TRPC3: variants seen among roughly 807,000 people sequenced by gnomAD.
TRPC3 encodes the protein short transient receptor potential channel 3.
TRPC3 carries 54 observed loss-of-function variants against 90.9 expected under a neutral mutation model. The observed-to-expected ratio is 0.59, with a 90% CI of 0.48 to 0.75. TRPC3 has a LOEUF of 0.75. Ranked by LOEUF, TRPC3 falls within the 30% of genes least tolerant of loss-of-function variation. The pLI, the probability that TRPC3 is intolerant of heterozygous loss-of-function variation, is 0.00. For synonymous variants in TRPC3, 424 were observed against 450.9 expected (o/e 0.94, Z 0.75); for missense variants, 918 against 1,194.5 (o/e 0.77, Z 3.41).
chr4:121,934,243 A>C (rs940062343), intron 1 of TRPC3, among the ~76,000 whole-genome samples: 3 of 152,208 alleles, frequency 2.0e-5, no homozygotes, highest in African/African-American at 7.2e-5. Flanking sequence ...TGAAGTTCTC[A>C]GATTTTCCTC....
intron 3 of TRPC3, among the ~76,000 whole-genome samples, chr4:121,918,628 C>T (rs4240265): frequency 0.28 from 42,155 of 152,030 alleles, 6,107 homozygotes; most frequent in Non-Finnish European, 0.31. Flanking sequence ...TGCATTTTGC[C>T]TGTTACACTT....
rs749467554 is a variant in TRPC3 at position 121,911,931 on chromosome 4, C to G, written c.1504G>C (p.Val502Leu). The change falls in exon 5 of 12, where the codon GTG (valine) becomes CTG (leucine). Residue 502 changes from valine to leucine, a missense_variant. This residue lies in a region of TRPC3 where 609 missense variants were observed against 725.9 expected (regional missense o/e 0.84). Coordinates refer to ENST00000379645, the MANE Select transcript of TRPC3 (RefSeq NM_001130698.2). ...VTDYPKQIFR[V>L]KTTQFTWTEM... Reference sequence around the variant, plus strand: ...GTCCATGTAAACTGGGTGGTTTTCACCCTGAAGATCTGTTTGGGATAGTCA... The same window carrying G: ...GTCCATGTAAACTGGGTGGTTTTCAGCCTGAAGATCTGTTTGGGATAGTCA... 1.2e-6 allele frequency: 2 copies of G among 1,613,810 alleles called. No homozygotes were observed. Among genetic ancestry groups the G allele is most frequent in the Non-Finnish European group, 1.7e-6 (2 of 1,179,802 alleles).
chr4:121,943,560 T>G (rs1263487551), intron 1 of TRPC3, among the ~76,000 whole-genome samples: 1 of 152,116 alleles, frequency 6.6e-6, no homozygotes, highest in Non-Finnish European at 1.5e-5. Flanking sequence ...TAAAACTAAT[T>G]TTTATTATTT....
At chr4:121,931,051 C>T (rs548982485) in intron 2 of TRPC3, among the ~76,000 whole-genome samples, 1 of 152,252 alleles carries the variant, frequency 6.6e-6, no homozygotes, top group South Asian at 2.1e-4. Flanking sequence ...CAGATCTCCA[C>T]TGGGACAAAA....
At chr4:121,928,891 C>T (rs1729803749) in intron 2 of TRPC3, among the ~76,000 whole-genome samples, 1 of 152,174 alleles carries the variant, frequency 6.6e-6, no homozygotes, top group African/African-American at 2.4e-5. Context: ...GGCTCTTTCC[C>T]TAATAACAAA....
chr4:121,944,766 A>G (rs986373285), intron 1 of TRPC3, among the ~76,000 whole-genome samples: 1 of 152,232 alleles, frequency 6.6e-6, no homozygotes, highest in African/African-American at 2.4e-5. Flanking sequence ...ATCAGCAGCC[A>G]AATTTAAATG....
chr4:121,940,675 T>G (rs1335178301), intron 1 of TRPC3, among the ~76,000 whole-genome samples: 2 of 152,206 alleles, frequency 1.3e-5, no homozygotes, highest in Non-Finnish European at 2.9e-5. Context: ...GTATGAAATG[T>G]TGGGTCTTTT....
Position 121,932,798 on chromosome 4 carries a change from C to T in TRPC3, c.460G>A (p.Ala154Thr), listed in dbSNP as rs1174118621. 2 of 1,610,360 alleles carry T rather than the reference C, an allele frequency of 1.2e-6. No homozygotes were observed. The highest frequency in any genetic ancestry group is 1.7e-6 in the Non-Finnish European group (2 of 1,177,488). The change falls in exon 2 of 12, where the codon GCT becomes ACT. Residue 154 changes from alanine to threonine, a missense_variant. Ala to Thr is a moderately conservative substitution (Grantham distance 58, BLOSUM62 0). Transcript: ENST00000379645. The surrounding 1 kb of genome is among the most constrained non-coding windows in gnomAD (Gnocchi z 7.7). ...ACCTCCAGGTGCTCGTTGCCCACAG[C>T]CAGCTGCAGCGCGTTCTGGCCCATG... ...DYMGQNALQL[A>T]VGNEHLEVTE...
At chr4:121,947,442 G>T (rs563189415) in intron 1 of TRPC3, among the ~76,000 whole-genome samples, 3 of 152,172 alleles carry the variant, frequency 2.0e-5, no homozygotes, top group Admixed American at 6.5e-5. Flanking sequence ...GCTAAGCCAA[G>T]ACTGGAACAT....
rs748629720 is a variant in TRPC3, at chr4:121,903,070, C to G, written c.2254-9G>C. The G allele has an allele frequency of 6.4e-7, 1 of 1,568,832 alleles. No homozygotes were observed. The highest frequency in any genetic ancestry group is 1.2e-5 in the South Asian group (1 of 84,164). On this transcript the variant is annotated splice_polypyrimidine_tract_variant and intron_variant, in intron 8 of 11. Coordinates refer to ENST00000379645, the MANE Select transcript of TRPC3 (RefSeq NM_001130698.2). Reference sequence around the variant, plus strand: ...TCTACATCACTGTCATCCTGTGTCACAAAAATAGAAAAAAAAACTAATTTT... The same window carrying G: ...TCTACATCACTGTCATCCTGTGTCAGAAAAATAGAAAAAAAAACTAATTTT...
At chr4:121,925,339 G>C in intron 2 of TRPC3, 133 bp from the exon 3 acceptor site, 1 of 959,832 alleles carries the variant, frequency 1.0e-6, no homozygotes, top group Admixed American at 3.0e-5. Flanking sequence ...TGCAAGGCTT[G>C]TTGAGCTGAA....
At chr4:121,904,167 A>G (rs951408204) in intron 8 of TRPC3, among the ~76,000 whole-genome samples, 155 bp downstream of exon 8, 1 of 152,032 alleles carries the variant, frequency 6.6e-6, no homozygotes, top group Non-Finnish European at 1.5e-5. Context: ...AGAGCTATCT[A>G]TCCAGGTAGA....
chr4:121,915,101 G>A (rs1729265020), intron 3 of TRPC3, among the ~76,000 whole-genome samples, 157 bp from the exon 4 acceptor site: 1 of 152,158 alleles, frequency 6.6e-6, no homozygotes, highest in African/African-American at 2.4e-5. Flanking sequence ...ATTCTTCTTA[G>A]CTTTCCCTCC....
At chr4:121,890,861 G>A (rs763683391) in intron 10 of TRPC3, among the ~76,000 whole-genome samples, 8 of 151,814 alleles carry the variant, frequency 5.3e-5, no homozygotes, top group East Asian at 1.9e-4. Context: ...GTGTGGTGGC[G>A]GCACCTGTAG....
intron 3 of TRPC3, among the ~76,000 whole-genome samples, chr4:121,922,749 C>T (rs1331833906): frequency 2.0e-5 from 3 of 152,148 alleles, no homozygotes; most frequent in Non-Finnish European, 4.4e-5. Context: ...GAATATATGT[C>T]TAGACAATTT....
chr4:121,945,490 A>G (rs1215975974), intron 1 of TRPC3, among the ~76,000 whole-genome samples: 1 of 152,198 alleles, frequency 6.6e-6, no homozygotes, highest in Non-Finnish European at 1.5e-5. Context: ...TTTAGTGGAG[A>G]GAAAGAAGTT....
chr4:121,940,016 G>A (rs895304554), intron 1 of TRPC3, among the ~76,000 whole-genome samples: 2 of 152,100 alleles, frequency 1.3e-5, no homozygotes, highest in African/African-American at 2.4e-5. Flanking sequence ...TTATAGTATC[G>A]AACTAAGATA....
chr4:121,933,317 A>C, intron 1 of TRPC3: 1 of 416,260 alleles, frequency 2.4e-6, no homozygotes, highest in Non-Finnish European at 3.7e-6. Context: ...AATAATAAAA[A>C]TTTCCATATA....
rs752749911 is a variant in TRPC3, at chr4:121,925,061, G to A, written c.1133C>T (p.Ser378Leu). The A allele has an allele frequency of 1.2e-6, 2 of 1,613,564 alleles. No homozygotes were observed. Among genetic ancestry groups the A allele is most frequent in the Non-Finnish European group, 1.7e-6 (2 of 1,179,802 alleles). The stretch of plus-strand genomic sequence containing the variant: ...AATGGCAAGTTTGACACGACTTAAT[G>A]AAGCTTTGTGCCTGTGTACCTCCAG... ...EPLEVHRHKA[S>L]LSRVKLAIKY... is the part of the protein sequence containing the mutation. The change falls in exon 3 of 12, where the codon TCA becomes TTA. Residue 378 changes from serine (S) to leucine (L), a missense_variant. Physicochemically the swap from Ser to Leu is moderately radical, Grantham distance 145. Around this residue, in one of 4 missense-constraint regions of TRPC3, gnomAD observed 609 missense variants for 725.9 expected, o/e 0.84. Coordinates refer to ENST00000379645, the MANE Select transcript of TRPC3 (RefSeq NM_001130698.2).
Sources: gnomAD v4.1 joint callset for allele counts (sites outside exome capture counted in the v4.1 genomes callset) on GRCh38, gnomAD v4.1.1 for gene constraint, gnomAD v4.1.1 regional missense constraint, Gnocchi (gnomAD v3.1) non-coding constraint, MANE v1.5 for transcripts, NCBI Gene and HGNC (gene_info 2026-07-23, HGNC 2026-07-21) for gene names.